ERICH6B: variants seen among roughly 807,000 people sequenced by gnomAD.
The protein encoded by ERICH6B is glutamate-rich protein 6B.
Under a neutral mutation model 80.0 loss-of-function variants are expected in ERICH6B, and 69 were observed. The observed-to-expected ratio is 0.86, with a 90% CI of 0.71 to 1.05. The LOEUF (loss-of-function observed/expected upper bound fraction) is 1.05. Ranked by LOEUF, ERICH6B falls within the 50% of genes least tolerant of loss-of-function variation. ERICH6B has a pLI of 0.00. For missense variants in ERICH6B, 754 were observed against 796.1 expected (o/e 0.95, Z 0.64); for synonymous variants, 283 against 291.9 (o/e 0.97, Z 0.31).
chr13:45,581,611 A>C (rs1241934029), intron 5 of ERICH6B, among the ~76,000 whole-genome samples: 1 of 152,226 alleles, frequency 6.6e-6, no homozygotes, highest in Non-Finnish European at 1.5e-5. Flanking sequence ...TCCTGACCTC[A>C]GGTGATCTGC....
chr13:45,582,601 C>T (rs559750960), intron 5 of ERICH6B, among the ~76,000 whole-genome samples: 1 of 152,220 alleles, frequency 6.6e-6, no homozygotes, highest in Non-Finnish European at 1.5e-5. Context: ...CCTTCTAAAT[C>T]TGCATCCAAG....
intron 2 of ERICH6B, among the ~76,000 whole-genome samples, chr13:45,607,119 C>T (rs908209462): frequency 6.6e-6 from 1 of 152,142 alleles, no homozygotes. Flanking sequence ...TAAACTTTTA[C>T]AATAAGTGGG....
intron 10 of ERICH6B, among the ~76,000 whole-genome samples, chr13:45,562,939 G>T (rs1874750773): frequency 6.6e-6 from 1 of 152,142 alleles, no homozygotes; most frequent in Non-Finnish European, 1.5e-5. Flanking sequence ...GCGAGAAAAA[G>T]TACCATGATT....
intron 1 of ERICH6B, among the ~76,000 whole-genome samples, chr13:45,614,117 G>T (rs920931166): frequency 1.3e-5 from 2 of 152,092 alleles, no homozygotes; most frequent in African/African-American, 4.8e-5. Context: ...ATATATTAAC[G>T]GGCCCTCTTT....
At chr13:45,584,283 T>C (rs1387920543) in intron 5 of ERICH6B, among the ~76,000 whole-genome samples, 1 of 152,180 alleles carries the variant, frequency 6.6e-6, no homozygotes, top group Non-Finnish European at 1.5e-5. Context: ...GAGCGTCTTC[T>C]CATATGGATC....
At chr13:45,549,376 A>G (rs1874120524) in intron 13 of ERICH6B, among the ~76,000 whole-genome samples, 1 of 152,202 alleles carries the variant, frequency 6.6e-6, no homozygotes, top group African/African-American at 2.4e-5. Context: ...CCTTTACCTC[A>G]AAGAGATGGA....
At chr13:45,593,677 T>C (rs1033285683) in intron 3 of ERICH6B, among the ~76,000 whole-genome samples, 2 of 152,142 alleles carry the variant, frequency 1.3e-5, no homozygotes, top group African/African-American at 4.8e-5. Context: ...AAGGAAAATG[T>C]GCTCTTCATG....
At position 45,549,929 on chromosome 13, in the gene ERICH6B, C is replaced by T. The variant is rs1470104797; in HGVS notation, c.1610G>A (p.Gly537Asp). ...ATTTTCATCATAGAAGGTAGCATTG[C>T]CTGAGTTGTTGATAAGGGCCCGGAT... The part of the protein sequence containing the change: ...GRIRALINNS[G>D]NATFYDENSD... The change falls in exon 13 of 15, where the codon GGC (glycine) becomes GAC (aspartate). Residue 537 changes from glycine to aspartate, a missense_variant. By Grantham distance (94) the Gly-to-Asp change is moderately conservative (BLOSUM62 -1). Coordinates refer to ENST00000298738, the MANE Select transcript of ERICH6B (RefSeq NM_182542.3). 6.4e-7 allele frequency: 1 copy of T among 1,551,476 alleles called. No homozygotes were observed. The highest frequency in any genetic ancestry group is 1.2e-5 in the South Asian group (1 of 84,050).
Position 45,545,004 on chromosome 13 carries a change from T to A in ERICH6B, c.1647-19A>T, listed in dbSNP as rs746411047. 3.6e-5 allele frequency: 56 copies of A among 1,545,878 alleles called. 2 individuals carry two copies. In the South Asian group the frequency reaches 6.6e-4, roughly 18 times the overall value. On this transcript the variant is annotated intron_variant, in intron 13 of 14. Transcript: ENST00000298738. ...GTTCAACCTGGACCAGGAGAAAGCA[T>A]GTCAGGCAGCCAGGGCGCTCAGCCC...
intron 1 of ERICH6B, among the ~76,000 whole-genome samples, chr13:45,611,326 T>G (rs2138042021): frequency 6.6e-6 from 1 of 152,264 alleles, no homozygotes; most frequent in Middle Eastern, 3.4e-3. Context: ...GCAGTGGGGA[T>G]TAAACAGAGC....
Position 45,592,231 on chromosome 13 carries a change from G to A in ERICH6B, c.638-1534C>T, listed in dbSNP as rs1363007520. ...CATCAGACTATGTTCCCTAACTTTC[G>A]CTGGGACAAGACACGTGCAGAAAAT... On this transcript the variant is annotated intron_variant, in intron 3 of 14. Transcript: ENST00000298738. 2.6e-5 allele frequency among the ~76,000 whole-genome samples: 4 copies of A among 152,296 alleles called. No homozygotes were observed. In the South Asian group the frequency reaches 6.2e-4, roughly 24 times the overall value.
intron 1 of ERICH6B, among the ~76,000 whole-genome samples, chr13:45,609,420 A>C (rs535772303): frequency 6.6e-5 from 10 of 152,270 alleles, no homozygotes; most frequent in African/African-American, 2.4e-4. Flanking sequence ...CTCTCCAGCA[A>C]GGCTTTCTAA....
intron 5 of ERICH6B, among the ~76,000 whole-genome samples, chr13:45,585,407 G>A (rs559645504): frequency 5.8e-4 from 88 of 152,240 alleles, no homozygotes; most frequent in African/African-American, 2.0e-3. Context: ...CACTTGCGCC[G>A]TTCTGTTGGC....
At chr13:45,555,584 T>C (rs886864667) in intron 11 of ERICH6B, 2 of 152,198 alleles carry the variant, frequency 1.3e-5, no homozygotes, top group Non-Finnish European at 2.9e-5. Context: ...GGGTCCATTC[T>C]GGTCAATGGA....
At chr13:45,605,321 T>C (rs1463733012) in intron 2 of ERICH6B, among the ~76,000 whole-genome samples, 3 of 152,252 alleles carry the variant, frequency 2.0e-5, no homozygotes, top group African/African-American at 4.8e-5. Context: ...CTGCTTTTTC[T>C]TCTCCTTTTA....
chr13:45,568,743 A>G (rs1012391750), intron 8 of ERICH6B, among the ~76,000 whole-genome samples: 1 of 152,226 alleles, frequency 6.6e-6, no homozygotes, highest in African/African-American at 2.4e-5. Flanking sequence ...TTGAAGATAA[A>G]AAAACAAAAG....
At chr13:45,598,271 C>T (rs572700435) in intron 2 of ERICH6B, among the ~76,000 whole-genome samples, 3 of 152,148 alleles carry the variant, frequency 2.0e-5, no homozygotes, top group Admixed American at 6.5e-5. Context: ...TGTTCCCCAC[C>T]GTATCTCTGA....
intron 7 of ERICH6B, among the ~76,000 whole-genome samples, chr13:45,576,926 G>A (rs574188304): frequency 6.0e-4 from 92 of 152,208 alleles, no homozygotes; most frequent in African/African-American, 2.0e-3. Flanking sequence ...TGAATGAGAA[G>A]AAAAAGCCTT....
At chr13:45,605,913 C>T (rs1949856849) in intron 2 of ERICH6B, among the ~76,000 whole-genome samples, 1 of 152,110 alleles carries the variant, frequency 6.6e-6, no homozygotes, top group Non-Finnish European at 1.5e-5. Context: ...TATAATTATC[C>T]TATTAACCAA....
Sources: gnomAD v4.1 joint callset for allele counts (sites outside exome capture counted in the v4.1 genomes callset) on GRCh38, gnomAD v4.1.1 for gene constraint, MANE v1.5 for transcripts, NCBI Gene and HGNC (gene_info 2026-07-23, HGNC 2026-07-21) for gene names.